The following AAK1 variants were observed in gnomAD, a reference collection of about 807,000 sequenced individuals.
AAK1 encodes AP2-associated protein kinase 1.
A neutral mutation model predicts 116.0 loss-of-function variants in AAK1; 37 were observed. That is an observed-to-expected ratio of 0.32 (90% CI 0.25 to 0.42). The LOEUF (loss-of-function observed/expected upper bound fraction) is 0.42. AAK1 is among the 10% of genes least tolerant of loss of function. AAK1 has a pLI of 1.00. For synonymous variants in AAK1, 458 were observed against 439.9 expected (o/e 1.04, Z -0.51); for missense variants, 919 against 1,170.6 (o/e 0.79, Z 3.14).
At chr2:69,539,868 G>C (rs1670630589) in intron 5 of AAK1, among the ~76,000 whole-genome samples, 1 of 152,096 alleles carries the variant, frequency 6.6e-6, no homozygotes, top group Non-Finnish European at 1.5e-5. Context: ...ATCACTGCCT[G>C]ATCTCACTAT....
chr2:69,489,195 A>G (rs1675422882), intron 17 of AAK1, among the ~76,000 whole-genome samples: 1 of 151,496 alleles, frequency 6.6e-6, no homozygotes, highest in Non-Finnish European at 1.5e-5. Flanking sequence ...TCACCCCTGT[A>G]ATCCCAGCAC....
At chr2:69,574,216 CA>C (rs1672204150) in intron 2 of AAK1, among the ~76,000 whole-genome samples, 1 of 151,100 alleles carries the variant, frequency 6.6e-6, no homozygotes, top group Non-Finnish European at 1.5e-5. Context: ...ACTAAAAATA[CA>C]AAAATTAGCT....
At chr2:69,580,629 G>T (rs1558977287) in intron 2 of AAK1, among the ~76,000 whole-genome samples, 1 of 152,136 alleles carries the variant, frequency 6.6e-6, no homozygotes, top group African/African-American at 2.4e-5. Context: ...TTTGCTCCAG[G>T]TTCCGTTAGA....
intron 2 of AAK1, among the ~76,000 whole-genome samples, chr2:69,575,801 A>G (rs1359692740): frequency 6.6e-6 from 1 of 152,184 alleles, no homozygotes; most frequent in Non-Finnish European, 1.5e-5. Context: ...AGACAGGATC[A>G]GTATTTCAGT....
chr2:69,491,085 C>CA (rs1277641027), intron 17 of AAK1, among the ~76,000 whole-genome samples: 1 of 151,810 alleles, frequency 6.6e-6, no homozygotes, highest in African/African-American at 2.4e-5. Flanking sequence ...TACAGGCATG[C>CA]AGCACTATGC....
intron 2 of AAK1, chr2:69,594,734 G>T: frequency 1.4e-6 from 1 of 737,246 alleles, no homozygotes; most frequent in Non-Finnish European, 2.3e-6. Flanking sequence ...AAAAGAAAAG[G>T]TAACACTTAG....
chr2:69,505,024 T>C (rs1676124759), intron 16 of AAK1, among the ~76,000 whole-genome samples: 1 of 152,194 alleles, frequency 6.6e-6, no homozygotes, highest in South Asian at 2.1e-4. Flanking sequence ...ATTGCTTCTA[T>C]ACTTTTAACA....
intron 2 of AAK1, among the ~76,000 whole-genome samples, chr2:69,606,571 A>C (rs368072657): frequency 6.6e-6 from 1 of 152,226 alleles, no homozygotes; most frequent in African/African-American, 2.4e-5. Context: ...ACAGACATAC[A>C]TCGTCCTGCT....
At chr2:69,489,608 A>T (rs1675444040) in intron 17 of AAK1, among the ~76,000 whole-genome samples, 1 of 152,182 alleles carries the variant, frequency 6.6e-6, no homozygotes, top group South Asian at 2.1e-4. Context: ...AGCCCCACCA[A>T]AAAAGAGGAC....
chr2:69,518,012 C>T (rs1676653802), intron 12 of AAK1, among the ~76,000 whole-genome samples: 1 of 152,162 alleles, frequency 6.6e-6, no homozygotes. Context: ...GTCCTAGCTA[C>T]TTGAGAGACT....
chr2:69,504,210 A>G (rs962667899), intron 16 of AAK1, among the ~76,000 whole-genome samples: 2 of 151,360 alleles, frequency 1.3e-5, no homozygotes, highest in African/African-American at 4.9e-5. Context: ...TAGCATGGCC[A>G]ACATGGTGAA....
intron 2 of AAK1, chr2:69,598,417 T>C (rs1673402531): frequency 3.5e-6 from 1 of 288,840 alleles, no homozygotes; most frequent in Non-Finnish European, 6.8e-6. Context: ...TGATGAGTCA[T>C]GTAAAACCCA....
At chr2:69,511,001 C>T (rs994711408) in intron 13 of AAK1, among the ~76,000 whole-genome samples, 1 of 152,178 alleles carries the variant, frequency 6.6e-6, no homozygotes, top group Non-Finnish European at 1.5e-5. Flanking sequence ...GGTCCTTAAG[C>T]ATAAGTCACC....
rs1340746011 is a variant in AAK1 at position 69,474,797 on chromosome 2, A to G, written c.*1072T>C. ...CTGTAGGATTGTTGTGTAGTTATACAAGGGAAAGAAATCAAAACCCTGTAC... is the reference window on the plus strand; with the variant it reads ...CTGTAGGATTGTTGTGTAGTTATACGAGGGAAAGAAATCAAAACCCTGTAC... On this transcript the variant is annotated 3_prime_UTR_variant, in exon 22 of 22. Coordinates refer to ENST00000409085, the MANE Select transcript of AAK1 (RefSeq NM_014911.5). 1.1e-5 allele frequency: 11 copies of G among 985,770 alleles called. No homozygotes were observed. Among genetic ancestry groups the G allele is most frequent in the Non-Finnish European group, 1.3e-5 (11 of 829,948 alleles). The allele number at this position is 985,770 out of a possible 1,614,324, so 61.1% of individuals were successfully genotyped here.
At chr2:69,622,975 G>C (rs1444579149) in intron 2 of AAK1, among the ~76,000 whole-genome samples, 1 of 145,002 alleles carries the variant, frequency 6.9e-6, no homozygotes, top group African/African-American at 2.8e-5. Context: ...TGTGGGTGGG[G>C]CCAAATAAGA....
chr2:69,615,476 A>T (rs1233023724), intron 2 of AAK1, among the ~76,000 whole-genome samples: 1 of 152,256 alleles, frequency 6.6e-6, no homozygotes, highest in African/African-American at 2.4e-5. Flanking sequence ...TGGCCTGAGG[A>T]GTTTCTAGAA....
At chr2:69,640,053 A>ACACACACTCTCTCTCT (rs1343518565) in intron 2 of AAK1, among the ~76,000 whole-genome samples, 10 of 92,788 alleles carry the variant, frequency 1.1e-4, no homozygotes, top group African/African-American at 4.9e-4. Context: ...ACACACACAC[A>ACACACACTCTCTCTCT]CTCTCTCTCT....
In AAK1 at chr2:69,519,148, G is replaced by T; in HGVS notation, c.1303C>A (p.Gln435Lys). 6.3e-7 allele frequency: 1 copy of T among 1,576,304 alleles called. No individual in the cohort carries two copies. Among genetic ancestry groups the T allele is most frequent in the Admixed American group, 1.9e-5 (1 of 53,932 alleles). Residue 435 changes from glutamine to lysine, a missense_variant, in exon 12 of 22, where the codon CAG (glutamine) becomes AAG (lysine). Gln to Lys is a moderately conservative substitution (Grantham distance 53, BLOSUM62 1). Transcript: ENST00000409085. The part of the protein sequence containing the change: ...SQPLPQTQAK[Q>K]PQAPPTPQQT... ...TGTGGAGTGGGAGGAGCCTGTGGCTGCTTGGCCTGAGTTTGCGGCAGAGGC... is the reference window on the plus strand; with the variant it reads ...TGTGGAGTGGGAGGAGCCTGTGGCTTCTTGGCCTGAGTTTGCGGCAGAGGC...
chr2:69,519,380 C>T, intron 11 of AAK1, 140 bp from the exon 12 acceptor site: 1 of 1,211,140 alleles, frequency 8.3e-7, no homozygotes, highest in Non-Finnish European at 1.1e-6. Flanking sequence ...TGTCTTTCCA[C>T]ATGCTCTGTC....
Sources: allele counts gnomAD v4.1 joint callset (sites outside exome capture counted in the v4.1 genomes callset), GRCh38; gene constraint gnomAD v4.1.1; transcripts MANE v1.5; gene names NCBI Gene and HGNC (gene_info 2026-07-23, HGNC 2026-07-21).